DNER: variants seen among roughly 807,000 people sequenced by gnomAD.
DNER encodes delta and Notch-like epidermal growth factor-related receptor.
DNER carries 33 observed loss-of-function variants against 78.2 expected under a neutral mutation model. That is an observed-to-expected ratio of 0.42 (90% CI 0.32 to 0.56). DNER has a LOEUF of 0.56. Ranked by LOEUF, DNER falls within the 20% of genes least tolerant of loss-of-function variation. The probability of loss-of-function intolerance (pLI) is 0.11; values close to 1 mark genes in which losing one functional copy is unlikely to be tolerated. For missense variants in DNER, 918 were observed against 975.3 expected (o/e 0.94, Z 0.78); for synonymous variants, 417 against 384.8 (o/e 1.08, Z -0.98).
At chr2:229,524,537 T>TAG (rs1259936455) in intron 5 of DNER, among the ~76,000 whole-genome samples, 9 of 152,210 alleles carry the variant, frequency 5.9e-5, no homozygotes, top group Admixed American at 5.9e-4. Context: ...AGTTCCTGCA[T>TAG]GAGTGAGGCA....
At chr2:229,416,968 G>A (rs1693668617) in intron 9 of DNER, among the ~76,000 whole-genome samples, 2 of 152,192 alleles carry the variant, frequency 1.3e-5, no homozygotes, top group African/African-American at 2.4e-5. Context: ...TTGAAGATAT[G>A]TAGAGAGAAA....
intron 5 of DNER, among the ~76,000 whole-genome samples, chr2:229,530,557 A>G (rs1482138536): frequency 6.6e-6 from 1 of 152,256 alleles, no homozygotes; most frequent in Non-Finnish European, 1.5e-5. Flanking sequence ...AAGAGAGATG[A>G]CTGTATTCAC....
chr2:229,700,290 G>GTGTGCA (rs749320802), intron 1 of DNER, among the ~76,000 whole-genome samples: 7,055 of 146,820 alleles, frequency 0.048, 248 homozygotes, highest in Non-Finnish European at 0.066. Flanking sequence ...ATATATGTGT[G>GTGTGCA]TGTGTGTGTG....
chr2:229,393,651 T>A (rs1021052113), intron 10 of DNER, among the ~76,000 whole-genome samples: 2 of 151,716 alleles, frequency 1.3e-5, no homozygotes, highest in Admixed American at 6.6e-5. Flanking sequence ...ATCGAGACCA[T>A]CCTGGCTAAC....
intron 1 of DNER, among the ~76,000 whole-genome samples, chr2:229,665,810 A>G (rs984513032): frequency 6.6e-6 from 1 of 152,098 alleles, no homozygotes; most frequent in Non-Finnish European, 1.5e-5. Context: ...TCTCCTTTCC[A>G]TCATAGCTCA....
intron 11 of DNER, among the ~76,000 whole-genome samples, chr2:229,384,330 C>G (rs529033526): frequency 1.2e-3 from 185 of 152,184 alleles, no homozygotes; most frequent in African/African-American, 4.3e-3. Context: ...AATCGATACC[C>G]TAACATCACA....
At chr2:229,514,865 A>T (rs1462258006) in intron 5 of DNER, among the ~76,000 whole-genome samples, 1 of 152,200 alleles carries the variant, frequency 6.6e-6, no homozygotes, top group Non-Finnish European at 1.5e-5. Context: ...GCTCGACCAA[A>T]CTGCCAAATT....
chr2:229,549,545 C>T (rs529090537), intron 4 of DNER, among the ~76,000 whole-genome samples: 2 of 152,272 alleles, frequency 1.3e-5, no homozygotes, highest in East Asian at 3.9e-4. Flanking sequence ...GTGATCTCCC[C>T]GTCTTGGCCT....
At position 229,591,337 on chromosome 2, in the gene DNER, C is replaced by T. The variant is rs190852085; in HGVS notation, c.585+243G>A. Among the ~76,000 whole-genome samples, 3 of 152,300 alleles carry T rather than the reference C, an allele frequency of 2.0e-5. No homozygotes were observed. In the East Asian group the frequency reaches 5.8e-4, roughly 29 times the overall value. ...TGTCTTCCCCAAAATCTAAGATTAT[C>T]TCACAGAAATACATGTGGATACCAT... is the stretch of plus-strand genomic sequence containing the variant. On this transcript the variant is annotated intron_variant, in intron 2 of 12. Coordinates refer to ENST00000341772, the MANE Select transcript of DNER (RefSeq NM_139072.4). This position sits in a 1 kb window ranked among gnomAD's most constrained non-coding sequence, Gnocchi z 4.6.
At chr2:229,541,954 T>A (rs1240420719) in intron 5 of DNER, among the ~76,000 whole-genome samples, 2 of 147,250 alleles carry the variant, frequency 1.4e-5, no homozygotes, top group Non-Finnish European at 3.0e-5. Context: ...TACTTTATAT[T>A]TATATTTATA....
rs1692125967 is a variant in DNER at position 229,357,956 on chromosome 2, A to T, written c.*584T>A. ...TAGTTCGACGACTGTTACGAAAATGACAAAAACAAACTCGAAAGAATGTTT... is the reference window on the plus strand; with the variant it reads ...TAGTTCGACGACTGTTACGAAAATGTCAAAAACAAACTCGAAAGAATGTTT... On this transcript the variant is annotated 3_prime_UTR_variant, in exon 13 of 13. Transcript: ENST00000341772. 6.5e-6 allele frequency: 1 copy of T among 152,676 alleles called. No homozygotes were observed. The highest frequency in any genetic ancestry group is 2.4e-5 in the African/African-American group (1 of 41,468). The allele number at this position is 152,676 out of a possible 1,614,324, so 9.5% of individuals were successfully genotyped here.
chr2:229,609,845 C>T (rs1698011495), intron 1 of DNER, among the ~76,000 whole-genome samples: 1 of 152,114 alleles, frequency 6.6e-6, no homozygotes, highest in African/African-American at 2.4e-5. Context: ...TGGAGCTCTC[C>T]CAATGAGGCA....
At chr2:229,545,867 C>T (rs549511265) in intron 5 of DNER, among the ~76,000 whole-genome samples, 12 of 152,306 alleles carry the variant, frequency 7.9e-5, no homozygotes, top group Non-Finnish European at 1.0e-4. Context: ...TTTTCTCTGA[C>T]GTCTGTAACT....
At chr2:229,568,830 T>C (rs1159894954) in intron 4 of DNER, among the ~76,000 whole-genome samples, 11 of 152,116 alleles carry the variant, frequency 7.2e-5, no homozygotes. Flanking sequence ...CCAAAGTGCT[T>C]GGATTACAGG....
chr2:229,627,324 T>C (rs1481460472), intron 1 of DNER, among the ~76,000 whole-genome samples: 3 of 152,188 alleles, frequency 2.0e-5, no homozygotes, highest in Non-Finnish European at 2.9e-5. Context: ...AGTTACAAGA[T>C]AGAAAAGGAA....
At chr2:229,429,094 G>A (rs1361278004) in intron 8 of DNER, among the ~76,000 whole-genome samples, 1 of 152,168 alleles carries the variant, frequency 6.6e-6, no homozygotes, top group Non-Finnish European at 1.5e-5. Flanking sequence ...CTTGAGCACT[G>A]CCCTTGGAGG....
chr2:229,615,506 G>A (rs566782626), intron 1 of DNER, among the ~76,000 whole-genome samples: 14 of 151,658 alleles, frequency 9.2e-5, no homozygotes, highest in Admixed American at 2.6e-4. Flanking sequence ...TCAGGAGATC[G>A]AGACCATCCT....
chr2:229,468,985 A>G (rs1694864965), intron 7 of DNER, among the ~76,000 whole-genome samples: 1 of 152,230 alleles, frequency 6.6e-6, no homozygotes, highest in Non-Finnish European at 1.5e-5. Flanking sequence ...ATGAGTTTGC[A>G]GTGAGTCTAG....
At position 229,567,720 on chromosome 2, in the gene DNER, GT is replaced by G. The variant is rs528701368; in HGVS notation, c.847+18137del. On this transcript the variant is annotated intron_variant, in intron 4 of 12. Transcript: ENST00000341772. ...CAATGCCACCGATCCTGCTTTGAGG[GT>G]TTACCAAGAAATAATGAATTACTGA... Among the ~76,000 whole-genome samples the G allele has an allele frequency of 4.5e-3, 678 of 152,270 alleles. 5 individuals carry two copies. Among genetic ancestry groups the G allele is most frequent in the Middle Eastern group, 0.01 (3 of 294 alleles).
Sources: gnomAD v4.1 joint callset for allele counts (sites outside exome capture counted in the v4.1 genomes callset) on GRCh38, gnomAD v4.1.1 for gene constraint, Gnocchi (gnomAD v3.1) non-coding constraint, MANE v1.5 for transcripts, NCBI Gene and HGNC (gene_info 2026-07-23, HGNC 2026-07-21) for gene names.